ATXN1: variants seen among roughly 807,000 people sequenced by gnomAD.
The protein encoded by ATXN1 is ataxin 1.
ATXN1 carries 8 observed loss-of-function variants against 56.4 expected under a neutral mutation model. The observed-to-expected ratio is 0.14, with a 90% CI of 0.08 to 0.26. The LOEUF (loss-of-function observed/expected upper bound fraction) is 0.26, where lower values mean the gene tolerates loss of function less well. Among genes scored for constraint, ATXN1 ranks in the 10% least tolerant of loss-of-function variants. ATXN1 has a pLI of 1.00. For missense variants in ATXN1, 987 were observed against 1,106.5 expected (o/e 0.89, Z 1.53); for synonymous variants, 514 against 494.6 (o/e 1.04, Z -0.52).
intron 4 of ATXN1, among the ~76,000 whole-genome samples, chr6:16,581,195 C>CTGTGTGTGTGTGTGTGTGTG: frequency 7.1e-6 from 1 of 140,260 alleles, no homozygotes; most frequent in African/African-American, 2.7e-5. Context: ...CGAGAATGCA[C>CTGTGTGTGTGTGTGTGTGTG]TGTGTGTGTG....
At chr6:16,364,733 T>C (rs1279307379) in intron 6 of ATXN1, among the ~76,000 whole-genome samples, 1 of 152,262 alleles carries the variant, frequency 6.6e-6, no homozygotes, top group South Asian at 2.1e-4. Context: ...CTGGATGTGA[T>C]GCTATTCATG....
At chr6:16,495,905 T>C (rs1194241733) in intron 5 of ATXN1, among the ~76,000 whole-genome samples, 2 of 151,950 alleles carry the variant, frequency 1.3e-5, no homozygotes, top group Non-Finnish European at 2.9e-5. Flanking sequence ...GGTATATTAG[T>C]AAAAGCCATT....
At chr6:16,388,140 C>T (rs776276206) in intron 6 of ATXN1, among the ~76,000 whole-genome samples, 7 of 152,088 alleles carry the variant, frequency 4.6e-5, no homozygotes, top group Non-Finnish European at 8.8e-5. Flanking sequence ...CCCGAGAAGC[C>T]GGGGCAGAGC....
At chr6:16,700,263 TGAA>T (rs1376711004) in intron 2 of ATXN1, among the ~76,000 whole-genome samples, 4 of 152,266 alleles carry the variant, frequency 2.6e-5, no homozygotes, top group Admixed American at 1.3e-4. Context: ...GCTCAACTCT[TGAA>T]GAATAGTATT....
At chr6:16,307,556 C>T (rs1450235120) in intron 7 of ATXN1, among the ~76,000 whole-genome samples, 2 of 151,960 alleles carry the variant, frequency 1.3e-5, no homozygotes, top group Admixed American at 6.6e-5. Flanking sequence ...CACCTGTAAT[C>T]CCAGCTACTT....
chr6:16,558,300 CAAAAAAA>C (rs34684208), intron 4 of ATXN1, among the ~76,000 whole-genome samples: 4 of 95,410 alleles, frequency 4.2e-5, no homozygotes, highest in Non-Finnish European at 8.4e-5. Context: ...GATCCTGTGT[CAAAAAAA>C]AAAAAAAAAA....
chr6:16,692,030 G>A (rs11756606), intron 2 of ATXN1, among the ~76,000 whole-genome samples: 48,503 of 152,150 alleles, frequency 0.32, 7,846 homozygotes, highest in Non-Finnish European at 0.35. Flanking sequence ...TTGGGAGGCC[G>A]AGGCGGGCAG....
At chr6:16,503,755 T>C (rs895571754) in intron 5 of ATXN1, among the ~76,000 whole-genome samples, 1 of 152,186 alleles carries the variant, frequency 6.6e-6, no homozygotes, top group Non-Finnish European at 1.5e-5. Flanking sequence ...CATGACAATA[T>C]ACTTTCATCA....
chr6:16,631,037 C>G (rs1026919636), intron 3 of ATXN1, among the ~76,000 whole-genome samples: 2 of 152,166 alleles, frequency 1.3e-5, no homozygotes, highest in African/African-American at 4.8e-5. Context: ...CACCTATGCT[C>G]TTTGTTGATA....
intron 5 of ATXN1, among the ~76,000 whole-genome samples, chr6:16,515,138 CT>C (rs1177396118): frequency 6.6e-6 from 1 of 152,074 alleles, no homozygotes; most frequent in Non-Finnish European, 1.5e-5. Context: ...TCAACTCTTT[CT>C]TTGTAGTGTC....
Position 16,531,917 on chromosome 6 carries a change from A to G in ATXN1, c.-360-9229T>C, listed in dbSNP as rs560149323. Among the ~76,000 whole-genome samples, 4 of 152,360 alleles carry G rather than the reference A, an allele frequency of 2.6e-5. No homozygotes were observed. The South Asian group carries it at 8.3e-4, about 32-fold the overall frequency. On this transcript the variant is annotated intron_variant, in intron 4 of 7. Coordinates refer to ENST00000436367, the MANE Select transcript of ATXN1 (RefSeq NM_001128164.2). The stretch of plus-strand genomic sequence containing the variant: ...CACTACATTATATATACGGTTCTAA[A>G]AATAGTATTTCTTAAACACCTAGAA...
rs1760022165 is a variant in ATXN1 at position 16,299,311 on chromosome 6, G to A, written c.*7018C>T. 6.6e-6 allele frequency: 1 copy of A among 152,386 alleles called. No individual in the cohort carries two copies. Among genetic ancestry groups the A allele is most frequent in the Admixed American group, 6.6e-5 (1 of 15,254 alleles). The allele number at this position is 152,386 out of a possible 1,614,324, so 9.4% of individuals were successfully genotyped here. A position where few individuals can be genotyped will look rare whatever the true frequency, so the allele number is the denominator to read the frequency against. Reference sequence around the variant, plus strand: ...ACCATAAAATTCAATAAACAGACTCGAGTGTATCCTACAAATAGACACACC... The same window carrying A: ...ACCATAAAATTCAATAAACAGACTCAAGTGTATCCTACAAATAGACACACC... On this transcript the variant is annotated 3_prime_UTR_variant, in exon 8 of 8. Transcript: ENST00000436367.
At position 16,454,125 on chromosome 6, in the gene ATXN1, CAAAA is replaced by C. The variant is rs56277549; in HGVS notation, c.-161+31843_-161+31846del. On this transcript the variant is annotated intron_variant, in intron 6 of 7. Transcript: ENST00000436367. Reference sequence around the variant, plus strand: ...GGGCAATAAGAGCGAGACTCTGTCTCAAAAAAAAAAAAAAAAAAAAAAAAAAAAA... The same window carrying C: ...GGGCAATAAGAGCGAGACTCTGTCTCAAAAAAAAAAAAAAAAAAAAAAAAA... Among the ~76,000 whole-genome samples, 17 of 76,666 alleles carry C rather than the reference CAAAA, an allele frequency of 2.2e-4. No individual in the cohort carries two copies. In the East Asian group the frequency reaches 2.5e-3, roughly 11 times the overall value. The allele number at this position is 76,666 out of a possible 152,430, so 50.3% of individuals were successfully genotyped here. A position where few individuals can be genotyped will look rare whatever the true frequency, so the allele number is the denominator to read the frequency against.
intron 2 of ATXN1, among the ~76,000 whole-genome samples, chr6:16,727,838 G>A (rs533675374): frequency 1.2e-4 from 19 of 152,240 alleles, no homozygotes; most frequent in African/African-American, 3.9e-4. Flanking sequence ...GTGAAAATTC[G>A]TCAGAGACCG....
chr6:16,322,242 G>A (rs899269935), intron 7 of ATXN1, among the ~76,000 whole-genome samples: 1 of 152,044 alleles, frequency 6.6e-6, no homozygotes, highest in Admixed American at 6.5e-5. Flanking sequence ...GCAAACAAAC[G>A]AACACAAAAA....
chr6:16,303,301 C>T lies in ATXN1; in HGVS notation c.*3028G>A, dbSNP rs941601048. ...GGTGACAGGGGACACTGCGGTTCCTCCCCCGGGTCTCCTTGGCTGGCTCTT... is the reference window on the plus strand; with the variant it reads ...GGTGACAGGGGACACTGCGGTTCCTTCCCCGGGTCTCCTTGGCTGGCTCTT... On this transcript the variant is annotated 3_prime_UTR_variant, in exon 8 of 8. Transcript: ENST00000436367. The surrounding 1 kb of genome is among the most constrained non-coding windows in gnomAD (Gnocchi z 4.3). 1.0e-3 allele frequency: 152 copies of T among 152,496 alleles called. No homozygotes were observed. The highest frequency in any genetic ancestry group is 3.6e-3 in the African/African-American group (150 of 41,580). The allele number at this position is 152,496 out of a possible 1,614,324, so 9.4% of individuals were successfully genotyped here. A position where few individuals can be genotyped will look rare whatever the true frequency, so the allele number is the denominator to read the frequency against.
intron 2 of ATXN1, among the ~76,000 whole-genome samples, chr6:16,741,967 G>T (rs1235946733): frequency 6.6e-6 from 1 of 152,270 alleles, no homozygotes; most frequent in Non-Finnish European, 1.5e-5. Flanking sequence ...AGGTTCAAGG[G>T]GTTACAGAGG....
intron 4 of ATXN1, among the ~76,000 whole-genome samples, chr6:16,552,455 CAG>C (rs1490716822): frequency 6.6e-6 from 1 of 152,194 alleles, no homozygotes. Context: ...GTTACGTTAG[CAG>C]AGAGAAGACG....
intron 6 of ATXN1, among the ~76,000 whole-genome samples, chr6:16,439,745 T>G (rs1266391458): frequency 1.3e-5 from 2 of 152,196 alleles, no homozygotes; most frequent in Non-Finnish European, 2.9e-5. Context: ...AGAGGCATAG[T>G]ATTTAGCAGA....
Sources: gnomAD v4.1 joint callset for allele counts (sites outside exome capture counted in the v4.1 genomes callset) on GRCh38, gnomAD v4.1.1 for gene constraint, Gnocchi (gnomAD v3.1) non-coding constraint, MANE v1.5 for transcripts, NCBI Gene and HGNC (gene_info 2026-07-23, HGNC 2026-07-21) for gene names.